LUZP2: variants seen among roughly 807,000 people sequenced by gnomAD.
LUZP2 encodes leucine zipper protein 2.
Under a neutral mutation model 51.6 loss-of-function variants are expected in LUZP2, and 52 were observed. The ratio of observed to expected loss-of-function variants is 1.01; its 90% confidence interval spans 0.81 to 1.27. LUZP2 has a LOEUF of 1.27. LUZP2 is among the 50% of genes most tolerant of loss of function. The probability of loss-of-function intolerance (pLI) is 0.00; values close to 1 mark genes in which losing one functional copy is unlikely to be tolerated. For missense variants in LUZP2, 436 were observed against 395.4 expected, an observed-to-expected ratio of 1.10 and a Z score of -0.87; for synonymous variants, 154 against 137.3, an observed-to-expected ratio of 1.12 and a Z score of -0.85.
chr11:24,635,421 A>AGTAT (rs1554966210), intron 1 of LUZP2, among the ~76,000 whole-genome samples: 16 of 150,300 alleles, frequency 1.1e-4, no homozygotes, highest in Middle Eastern at 3.5e-3. Context: ...ATCAGAAAAG[A>AGTAT]GTGTGTGTGT....
intron 9 of LUZP2, among the ~76,000 whole-genome samples, chr11:25,001,754 A>G (rs998369978): frequency 6.0e-5 from 9 of 151,042 alleles, no homozygotes; most frequent in Non-Finnish European, 1.2e-4. Context: ...ACTTTCTGTC[A>G]GTCTCTTCCT....
chr11:24,720,818 C>T (rs1278187147), intron 1 of LUZP2, among the ~76,000 whole-genome samples: 1 of 152,184 alleles, frequency 6.6e-6, no homozygotes, highest in Non-Finnish European at 1.5e-5. Flanking sequence ...CCTGCCTCAG[C>T]CTCTCCGAGT....
Position 24,796,201 on chromosome 11 carries a change from G to A in LUZP2, c.396+32893G>A, listed in dbSNP as rs116980819. 3.9e-4 allele frequency among the ~76,000 whole-genome samples: 60 copies of A among 152,108 alleles called. 1 individual carries two copies. In the East Asian group the frequency reaches 0.011, roughly 28 times the overall value. On this transcript the variant is annotated intron_variant, in intron 5 of 11. Coordinates refer to ENST00000336930, the MANE Select transcript of LUZP2 (RefSeq NM_001009909.4). Reference sequence around the variant, plus strand: ...GTTTTAGGGGTCAAATTGCTCTGGGGCTTTCAAGACCTTAAGCAAATGGCA... The same window carrying A: ...GTTTTAGGGGTCAAATTGCTCTGGGACTTTCAAGACCTTAAGCAAATGGCA...
chr11:25,013,553 T>G (rs1857041282), intron 9 of LUZP2, among the ~76,000 whole-genome samples: 1 of 152,156 alleles, frequency 6.6e-6, no homozygotes, highest in African/African-American at 2.4e-5. Context: ...ATATTTAATA[T>G]AACTATGGCT....
chr11:24,727,776 A>G (rs1802626283), intron 1 of LUZP2, among the ~76,000 whole-genome samples: 1 of 152,012 alleles, frequency 6.6e-6, no homozygotes, highest in South Asian at 2.1e-4. Context: ...TGTGGTTCTT[A>G]GCAATGGGCC....
intron 1 of LUZP2, among the ~76,000 whole-genome samples, chr11:24,589,112 C>A (rs6484059): frequency 0.97 from 148,009 of 152,138 alleles, 72,115 homozygotes; most frequent in East Asian, 1. Flanking sequence ...TCACAATGTC[C>A]TGGCTATTGG....
chr11:24,779,057 T>C (rs993905320), intron 5 of LUZP2, among the ~76,000 whole-genome samples: 1 of 152,200 alleles, frequency 6.6e-6, no homozygotes, highest in Admixed American at 6.5e-5. Flanking sequence ...TGTCAAAGTA[T>C]GGTATTCTCT....
At chr11:24,880,557 T>G (rs765464177) in intron 5 of LUZP2, among the ~76,000 whole-genome samples, 3 of 152,206 alleles carry the variant, frequency 2.0e-5, no homozygotes, top group Non-Finnish European at 4.4e-5. Flanking sequence ...TTCTGAGTAC[T>G]GAGGTGATAC....
intron 4 of LUZP2, among the ~76,000 whole-genome samples, chr11:24,756,753 T>G (rs1294345189): frequency 6.6e-6 from 1 of 152,164 alleles, no homozygotes; most frequent in African/African-American, 2.4e-5. Flanking sequence ...CTGAGTCTCC[T>G]CCAATTTAAT....
chr11:24,708,698 A>G (rs1857700420), intron 1 of LUZP2, among the ~76,000 whole-genome samples: 1 of 152,166 alleles, frequency 6.6e-6, no homozygotes, highest in African/African-American at 2.4e-5. Context: ...AGCCCAAAGT[A>G]TGATTCAAGA....
At chr11:24,758,203 G>A (rs953084796) in intron 4 of LUZP2, among the ~76,000 whole-genome samples, 4 of 151,926 alleles carry the variant, frequency 2.6e-5, no homozygotes, top group Non-Finnish European at 1.5e-5. Flanking sequence ...ATCAATGAAG[G>A]CAAACATGTC....
At chr11:24,584,576 T>C (rs1295030877) in intron 1 of LUZP2, among the ~76,000 whole-genome samples, 1 of 152,174 alleles carries the variant, frequency 6.6e-6, no homozygotes, top group Non-Finnish European at 1.5e-5. Flanking sequence ...GTATTGGGTT[T>C]TTCCCAGTTG....
At chr11:24,861,625 G>T (rs112367165) in intron 5 of LUZP2, among the ~76,000 whole-genome samples, 43 of 152,304 alleles carry the variant, frequency 2.8e-4, no homozygotes, top group African/African-American at 9.9e-4. Flanking sequence ...TGCAGTGTAA[G>T]AGCAGCTAGG....
At chr11:25,019,241 T>C (rs547747620) in intron 9 of LUZP2, among the ~76,000 whole-genome samples, 55 of 152,324 alleles carry the variant, frequency 3.6e-4, no homozygotes, top group African/African-American at 1.3e-3. Flanking sequence ...GAATCTATCA[T>C]ATAGAATTCT....
At chr11:24,680,494 G>A (rs756583684) in intron 1 of LUZP2, among the ~76,000 whole-genome samples, 11 of 152,172 alleles carry the variant, frequency 7.2e-5, no homozygotes, top group Non-Finnish European at 1.3e-4. Flanking sequence ...TTTCCTACAA[G>A]TGGAAAGAAA....
rs143703144 is a variant in LUZP2 at position 24,710,285 on chromosome 11, T to C, written c.63-18884T>C. 8.6e-3 allele frequency among the ~76,000 whole-genome samples: 1,309 copies of C among 152,202 alleles called. 22 individuals are homozygous for C. Among genetic ancestry groups the C allele is most frequent in the African/African-American group, 0.028 (1,180 of 41,524 alleles). ...GATATCATGTAGGTCTTAGAGCTTT[T>C]CCCCCTTCTTTTAGAGTTTTTCTCT... On this transcript the variant is annotated intron_variant, in intron 1 of 11. Coordinates refer to ENST00000336930, the MANE Select transcript of LUZP2 (RefSeq NM_001009909.4).
intron 5 of LUZP2, among the ~76,000 whole-genome samples, chr11:24,873,769 A>G (rs1234462746): frequency 6.6e-6 from 1 of 152,194 alleles, no homozygotes; most frequent in Non-Finnish European, 1.5e-5. Flanking sequence ...CTGCCTTTGA[A>G]AAGCTGTGTG....
chr11:24,863,526 T>C (rs1168397928), intron 5 of LUZP2, among the ~76,000 whole-genome samples: 2 of 151,544 alleles, frequency 1.3e-5, no homozygotes, highest in East Asian at 3.9e-4. Context: ...AAAGTATATT[T>C]GAAGTTTCCA....
chr11:24,725,640 A>T (rs1230795973), intron 1 of LUZP2, among the ~76,000 whole-genome samples: 1 of 152,114 alleles, frequency 6.6e-6, no homozygotes, highest in South Asian at 2.1e-4. Flanking sequence ...TGAAAAAAAA[A>T]TCCATATAAT....
Sources: allele counts gnomAD v4.1 joint callset (sites outside exome capture counted in the v4.1 genomes callset), GRCh38; gene constraint gnomAD v4.1.1; transcripts MANE v1.5; gene names NCBI Gene and HGNC (gene_info 2026-07-23, HGNC 2026-07-21).